FA2H: variants seen among roughly 807,000 people sequenced by gnomAD.
FA2H encodes fatty acid 2-hydroxylase.
FA2H carries 22 observed loss-of-function variants against 44.9 expected under a neutral mutation model. The observed-to-expected ratio is 0.49, with a 90% CI of 0.35 to 0.70. The LOEUF (loss-of-function observed/expected upper bound fraction) is 0.70, where lower values mean the gene tolerates loss of function less well. FA2H is among the 30% of genes least tolerant of loss of function. FA2H has a pLI of 0.01. For synonymous variants in FA2H, 243 were observed against 213.2 expected, an observed-to-expected ratio of 1.14 and a Z score of -1.22; for missense variants, 501 against 504.9, an observed-to-expected ratio of 0.99 and a Z score of 0.07.
chr16:74,716,219 T>C lies in FA2H; in HGVS notation c.1039+128A>G, dbSNP rs556859228. The C allele has an allele frequency of 5.1e-4, 530 of 1,036,374 alleles. 4 individuals carry two copies. In the East Asian group the frequency reaches 0.012, roughly 24 times the overall value. 64.2% of individuals were successfully genotyped at this position (1,036,374 alleles called of 1,614,324 possible). Reference sequence around the variant, plus strand: ...CAGCTGTCTGCACCAGGGAAGAGAGTAGAGGGAACCCTCTGTATATGCCCC... The same window carrying C: ...CAGCTGTCTGCACCAGGGAAGAGAGCAGAGGGAACCCTCTGTATATGCCCC... On this transcript the variant is annotated intron_variant, in intron 6 of 6. Transcript: ENST00000219368.
At position 74,716,588 on chromosome 16, in the gene FA2H, G is replaced by C. The variant is rs771402018; in HGVS notation, c.798C>G (p.Asp266Glu). The C allele has an allele frequency of 4.5e-6, 7 of 1,564,114 alleles. No individual in the cohort carries two copies. Among genetic ancestry groups the C allele is most frequent in the Non-Finnish European group, 6.1e-6 (7 of 1,155,632 alleles). The change falls in exon 6 of 7, where the codon GAC (aspartate) becomes GAG (glutamate). Residue 266 changes from aspartate to glutamate, a missense_variant. Asp to Glu is a conservative substitution (Grantham distance 45). Transcript: ENST00000219368. Reference sequence around the variant, plus strand: ...CAGGGGGGAAGACCAGGCGGGAGCCGTCGAAGGGTGCCTGCAGATGGAGAG... The same window carrying C: ...CAGGGGGGAAGACCAGGCGGGAGCCCTCGAAGGGTGCCTGCAGATGGAGAG... ...MHGQHHKAPF[D>E]GSRLVFPPVP...
At chr16:74,731,839 G>C (rs1181351034) in intron 2 of FA2H, among the ~76,000 whole-genome samples, 1 of 152,050 alleles carries the variant, frequency 6.6e-6, no homozygotes, top group African/African-American at 2.4e-5. Context: ...CACATCTGTA[G>C]CTTACGACCA....
At chr16:74,766,308 T>C (rs1419338153) in intron 1 of FA2H, among the ~76,000 whole-genome samples, 1 of 110,874 alleles carries the variant, frequency 9.0e-6, no homozygotes, top group Non-Finnish European at 2.0e-5. Flanking sequence ...TCTGTCTCAA[T>C]AAAAAAAAAA....
At chr16:74,757,503 T>C (rs1027136116) in intron 1 of FA2H, among the ~76,000 whole-genome samples, 4 of 152,226 alleles carry the variant, frequency 2.6e-5, no homozygotes, top group African/African-American at 9.6e-5. Context: ...TGTATTATGG[T>C]TGATTTGCAT....
chr16:74,718,841 T>G, intron 5 of FA2H, 147 bp downstream of exon 5: 1 of 930,236 alleles, frequency 1.1e-6, no homozygotes, highest in East Asian at 2.6e-5. Flanking sequence ...CCAACCCAGT[T>G]GCCCCGTGAG....
chr16:74,719,229 C>A, intron 4 of FA2H, 69 bp from the exon 5 acceptor site: 4 of 1,391,652 alleles, frequency 2.9e-6, no homozygotes, highest in South Asian at 1.2e-5. Context: ...GGTGTCCCTG[C>A]CTCACCATCC....
intron 1 of FA2H, among the ~76,000 whole-genome samples, chr16:74,768,948 C>T (rs1047020606): frequency 2.0e-5 from 3 of 152,012 alleles, no homozygotes; most frequent in African/African-American, 7.2e-5. Context: ...AAGCAGAGGG[C>T]ATGGTCAGCT....
Position 74,774,592 on chromosome 16 carries a change from C to T in FA2H, c.164G>A (p.Gly55Asp). Residue 55 changes from glycine to aspartate, a missense_variant, in exon 1 of 7, where the codon GGC becomes GAC. Coordinates refer to ENST00000219368, the MANE Select transcript of FA2H (RefSeq NM_024306.5). The stretch of plus-strand genomic sequence containing the variant: ...GTCCAGGTCGGCGCTGATGTCCTGG[C>T]CCGCCCTGGCCCGCAGCAGCTGCTC... ...GGEQLLRARAGQDISADLDGP... is the reference protein window; with the variant it reads ...GGEQLLRARADQDISADLDGP... 1 of 1,526,414 alleles carries T rather than the reference C, an allele frequency of 6.6e-7. No homozygotes were observed. The highest frequency in any genetic ancestry group is 8.7e-7 in the Non-Finnish European group (1 of 1,145,888). The allele number at this position is 1,526,414 out of a possible 1,614,324, so 94.6% of individuals were successfully genotyped here.
At chr16:74,769,977 C>G (rs906348408) in intron 1 of FA2H, among the ~76,000 whole-genome samples, 3 of 152,190 alleles carry the variant, frequency 2.0e-5, no homozygotes, top group Admixed American at 6.5e-5. Context: ...ATGTGTGTAC[C>G]TACAGAGGGT....
At chr16:74,766,227 A>G (rs1323375752) in intron 1 of FA2H, among the ~76,000 whole-genome samples, 1 of 152,044 alleles carries the variant, frequency 6.6e-6, no homozygotes, top group East Asian at 1.9e-4. Context: ...TGAACCTGGG[A>G]GGCAGAGGTT....
At chr16:74,720,087 C>A (rs569208260) in intron 4 of FA2H, among the ~76,000 whole-genome samples, 2 of 149,724 alleles carry the variant, frequency 1.3e-5, no homozygotes, top group East Asian at 2.0e-4. Flanking sequence ...GCAGTCCTAG[C>A]GGCTTTCAGC....
At chr16:74,764,473 A>C (rs1962769934) in intron 1 of FA2H, among the ~76,000 whole-genome samples, 1 of 152,214 alleles carries the variant, frequency 6.6e-6, no homozygotes, top group African/African-American at 2.4e-5. Flanking sequence ...CAGGAACAGA[A>C]ACCAAATACC....
chr16:74,761,097 T>A (rs1962699105), intron 1 of FA2H, among the ~76,000 whole-genome samples: 1 of 152,124 alleles, frequency 6.6e-6, no homozygotes, highest in Non-Finnish European at 1.5e-5. Context: ...CCTGCACGTG[T>A]ACCCCTAAAG....
At chr16:74,767,195 G>T (rs967760577) in intron 1 of FA2H, among the ~76,000 whole-genome samples, 1 of 152,102 alleles carries the variant, frequency 6.6e-6, no homozygotes, top group African/African-American at 2.4e-5. Flanking sequence ...TGTAATCCCA[G>T]CTACTTGGGA....
At chr16:74,714,566 G>C (rs1285240070) in intron 6 of FA2H, among the ~76,000 whole-genome samples, 4 of 146,414 alleles carry the variant, frequency 2.7e-5, no homozygotes, top group Non-Finnish European at 6.0e-5. Flanking sequence ...TGGGGCCCAA[G>C]TTCATTCCTG....
chr16:74,719,683 G>A (rs1961786465), intron 4 of FA2H, among the ~76,000 whole-genome samples: 2 of 152,136 alleles, frequency 1.3e-5, no homozygotes, highest in Admixed American at 6.5e-5. Flanking sequence ...GACCACAGGT[G>A]CATGCCACCG....
chr16:74,731,458 A>G lies in FA2H; in HGVS notation c.364-4072T>C, dbSNP rs1284082941. On this transcript the variant is annotated intron_variant, in intron 2 of 6. Coordinates refer to ENST00000219368, the MANE Select transcript of FA2H (RefSeq NM_024306.5). ...CACACCCGGCCATCTCTGCCTTTCA[A>G]TTGAAGCATTAAATCTATTTACATT... 4.6e-5 allele frequency among the ~76,000 whole-genome samples: 7 copies of G among 152,118 alleles called. No individual in the cohort carries two copies. The East Asian group carries it at 7.8e-4, about 17-fold the overall frequency.
Position 74,774,601 on chromosome 16 carries a change from G to T in FA2H, c.155C>A (p.Ala52Asp). The change falls in exon 1 of 7, where the codon GCC (alanine) becomes GAC (aspartate). Residue 52 changes from alanine to aspartate, a missense_variant. Ala to Asp is a moderately radical substitution (Grantham distance 126, BLOSUM62 -2). Transcript: ENST00000219368. ...HHPGGEQLLR[A>D]RAGQDISADL... ...GGCGCTGATGTCCTGGCCCGCCCTG[G>T]CCCGCAGCAGCTGCTCGCCCCCCGG... 1 of 1,524,674 alleles carries T rather than the reference G, an allele frequency of 6.6e-7. No individual in the cohort carries two copies. The allele number at this position is 1,524,674 out of a possible 1,614,324, so 94.4% of individuals were successfully genotyped here.
At chr16:74,763,903 C>T (rs967492314) in intron 1 of FA2H, among the ~76,000 whole-genome samples, 1 of 152,162 alleles carries the variant, frequency 6.6e-6, no homozygotes, top group Non-Finnish European at 1.5e-5. Context: ...AAGCAAATCC[C>T]ACCACCTTCA....
Sources: allele counts gnomAD v4.1 joint callset (sites outside exome capture counted in the v4.1 genomes callset), GRCh38; gene constraint gnomAD v4.1.1; transcripts MANE v1.5; gene names NCBI Gene and HGNC (gene_info 2026-07-23, HGNC 2026-07-21).